Variants in TRHDE observed in about 807,000 individuals in gnomAD.
TRHDE encodes thyrotropin-releasing hormone-degrading ectoenzyme.
TRHDE carries 72 observed loss-of-function variants against 125.7 expected under a neutral mutation model. The ratio of observed to expected loss-of-function variants is 0.57; its 90% CI spans 0.47 to 0.70. The LOEUF is 0.70. Among genes scored for constraint, TRHDE ranks in the 30% least tolerant of loss-of-function variants. The pLI, the probability that TRHDE is intolerant of heterozygous loss-of-function variation, is 0.00. For missense variants in TRHDE, 1,110 were observed against 1,327.1 expected, an observed-to-expected ratio of 0.84 and a Z score of 2.54; for synonymous variants, 509 against 509.1, an observed-to-expected ratio of 1.00 and a Z score of 0.00.
rs73344485 is a variant in TRHDE, at chr12:72,468,268, C to T, written c.1316-1490C>T. Among the ~76,000 whole-genome samples the T allele has an allele frequency of 8.3e-3, 1,268 of 152,236 alleles. 20 individuals carry two copies. Among genetic ancestry groups the T allele is most frequent in the African/African-American group, 0.028 (1,177 of 41,552 alleles). ...GGGTCATTTTGCTCTTCACTTATTT[C>T]CTCGACATTGTCTTTCTCAGATTGT... On this transcript the variant is annotated intron_variant, in intron 3 of 18. Coordinates refer to ENST00000261180, the MANE Select transcript of TRHDE (RefSeq NM_013381.3).
At chr12:72,555,562 G>A (rs899619852) in intron 7 of TRHDE, among the ~76,000 whole-genome samples, 5 of 152,000 alleles carry the variant, frequency 3.3e-5, no homozygotes, top group Non-Finnish European at 7.4e-5. Context: ...AGCTTTCTTA[G>A]GGATTTGTTA....
chr12:72,462,235 A>G (rs1565751253), intron 3 of TRHDE, among the ~76,000 whole-genome samples: 1 of 152,206 alleles, frequency 6.6e-6, no homozygotes, highest in Non-Finnish European at 1.5e-5. Context: ...CAGGAAACAG[A>G]AGTAAGAGTT....
chr12:72,106,926 C>T (rs1185272240), intron 2 of TRHDE, among the ~76,000 whole-genome samples: 1 of 152,076 alleles, frequency 6.6e-6, no homozygotes, highest in Non-Finnish European at 1.5e-5. Flanking sequence ...GTACCATCTT[C>T]AAATAACAGA....
chr12:72,343,100 C>G (rs937622569), intron 2 of TRHDE, among the ~76,000 whole-genome samples: 1 of 152,082 alleles, frequency 6.6e-6, no homozygotes. Context: ...AGACTTCAGC[C>G]TATGGTCTTA....
chr12:72,487,137 A>G (rs1006155076), intron 5 of TRHDE, among the ~76,000 whole-genome samples: 3 of 152,218 alleles, frequency 2.0e-5, no homozygotes, highest in African/African-American at 7.2e-5. Flanking sequence ...TAGATAGTCA[A>G]TGGGATTTAT....
At chr12:72,207,915 A>G (rs1432373092) in intron 2 of TRHDE, among the ~76,000 whole-genome samples, 3 of 152,142 alleles carry the variant, frequency 2.0e-5, no homozygotes, top group Non-Finnish European at 2.9e-5. Context: ...GAAGAATCCC[A>G]TTAATCTGCT....
intron 2 of TRHDE, among the ~76,000 whole-genome samples, chr12:72,133,880 G>T (rs1169411793): frequency 6.6e-6 from 1 of 152,214 alleles, no homozygotes; most frequent in Non-Finnish European, 1.5e-5. Flanking sequence ...CTGGGTGGCT[G>T]TTCTATATGC....
intron 15 of TRHDE, 43 bp downstream of exon 15, chr12:72,621,794 T>C: frequency 7.0e-7 from 1 of 1,435,524 alleles, no homozygotes; most frequent in Non-Finnish European, 9.6e-7. Flanking sequence ...TATTTAATAG[T>C]GCTTTCAGAG....
At chr12:72,474,875 A>G (rs557404913) in intron 5 of TRHDE, among the ~76,000 whole-genome samples, 1 of 152,168 alleles carries the variant, frequency 6.6e-6, no homozygotes, top group Admixed American at 6.5e-5. Context: ...AAAAAATGAA[A>G]TTACTTTAAC....
At chr12:72,329,564 C>A (rs147900834) in intron 2 of TRHDE, among the ~76,000 whole-genome samples, 2 of 152,190 alleles carry the variant, frequency 1.3e-5, no homozygotes, top group East Asian at 3.9e-4. Flanking sequence ...TTCAAAAAAC[C>A]AATTTCTTTG....
chr12:72,381,562 A>AT (rs543993619), intron 3 of TRHDE, among the ~76,000 whole-genome samples: 16 of 151,224 alleles, frequency 1.1e-4, no homozygotes, highest in South Asian at 8.4e-4. Flanking sequence ...CGCCTGGCTA[A>AT]TTTTTTTGTA....
upstream of TRHDE, among the ~76,000 whole-genome samples, chr12:72,270,917 G>A (rs1174504215): frequency 2.0e-5 from 3 of 152,198 alleles, no homozygotes; most frequent in Admixed American, 6.5e-5. Flanking sequence ...TCAGCAAACT[G>A]GTCTATTGAT....
intron 2 of TRHDE, among the ~76,000 whole-genome samples, chr12:72,363,852 G>A (rs1365314414): frequency 1.3e-5 from 2 of 151,968 alleles, no homozygotes; most frequent in African/African-American, 2.4e-5. Flanking sequence ...CAGACGACAT[G>A]ATTGTATATC....
chr12:72,499,685 C>G lies in TRHDE; in HGVS notation c.1722+50C>G, dbSNP rs1160145198. On this transcript the variant is annotated intron_variant, in intron 6 of 18. Coordinates refer to ENST00000261180, the MANE Select transcript of TRHDE (RefSeq NM_013381.3). ...ATTAGATATTTCATTACCAAGATAG[C>G]TAAACTAATTCATGTTAGATGTATG... The G allele has an allele frequency of 1.9e-6, 3 of 1,594,956 alleles. No individual in the cohort carries two copies. The South Asian group carries it at 3.4e-5, about 18-fold the overall frequency.
chr12:72,594,242 A>C (rs1592560246), intron 12 of TRHDE, among the ~76,000 whole-genome samples: 3 of 151,848 alleles, frequency 2.0e-5, no homozygotes, highest in African/African-American at 7.3e-5. Flanking sequence ...TGTGGTTTTG[A>C]TTTGCATTTT....
rs186352972 is a variant in TRHDE at position 72,661,223 on chromosome 12, C to T, written c.3067-1829C>T. Reference sequence around the variant, plus strand: ...AACCTACTATCTCTCTGTCAATAAACGTTCATATTCAAACCCATAGTTTGC... The same window carrying T: ...AACCTACTATCTCTCTGTCAATAAATGTTCATATTCAAACCCATAGTTTGC... On this transcript the variant is annotated intron_variant, in intron 18 of 18. Transcript: ENST00000261180. Among the ~76,000 whole-genome samples, 339 of 152,194 alleles carry T rather than the reference C, an allele frequency of 2.2e-3. 3 individuals carry two copies. The highest frequency in any genetic ancestry group is 0.01 in the Middle Eastern group (3 of 294).
upstream of TRHDE, among the ~76,000 whole-genome samples, chr12:72,268,109 A>G (rs1338959413): frequency 1.3e-5 from 2 of 152,134 alleles, no homozygotes; most frequent in Admixed American, 6.6e-5. Flanking sequence ...CTGTTTTGCT[A>G]TTGCCACATG....
At chr12:72,478,893 A>T (rs1877021189) in intron 5 of TRHDE, among the ~76,000 whole-genome samples, 1 of 146,490 alleles carries the variant, frequency 6.8e-6, no homozygotes, top group Non-Finnish European at 1.5e-5. Context: ...ACCAGTGGAG[A>T]CTGAATAGAT....
intron 6 of TRHDE, among the ~76,000 whole-genome samples, chr12:72,521,564 A>C (rs116721768): frequency 6.6e-6 from 1 of 152,184 alleles, no homozygotes; most frequent in Admixed American, 6.5e-5. Context: ...GTCATTTTAC[A>C]ATAGGATGCA....
Sources: gnomAD v4.1 joint callset for allele counts (sites outside exome capture counted in the v4.1 genomes callset) on GRCh38, gnomAD v4.1.1 for gene constraint, MANE v1.5 for transcripts, NCBI Gene and HGNC (gene_info 2026-07-23, HGNC 2026-07-21) for gene names.